Variants in XPO1 observed in about 807,000 individuals in gnomAD.
XPO1 encodes the protein exportin-1.
Under a neutral mutation model 133.3 loss-of-function variants are expected in XPO1, and 5 were observed. The observed-to-expected ratio is 0.04, with a 90% confidence interval of 0.02 to 0.08. The LOEUF is 0.08. XPO1 is among the 10% of genes least tolerant of loss of function. The probability of loss-of-function intolerance (pLI) is 1.00; values close to 1 mark genes in which losing one functional copy is unlikely to be tolerated. For missense variants in XPO1, 506 were observed against 1,267.5 expected (o/e 0.40, Z 9.12); for synonymous variants, 419 against 408.2 (o/e 1.03, Z -0.32).
intron 16 of XPO1, among the ~76,000 whole-genome samples, chr2:61,491,207 A>G (rs1015236898): frequency 1.3e-5 from 2 of 152,038 alleles, no homozygotes; most frequent in African/African-American, 4.8e-5. Context: ...TCACGCCTGT[A>G]ATCCCAGCAC....
chr2:61,498,166 G>A (rs1697334550), intron 9 of XPO1, among the ~76,000 whole-genome samples: 1 of 152,120 alleles, frequency 6.6e-6, no homozygotes, highest in Non-Finnish European at 1.5e-5. Flanking sequence ...GCACGATCTT[G>A]GCTCACTGCA....
At chr2:61,528,763 A>G (rs898906474) in intron 2 of XPO1, among the ~76,000 whole-genome samples, 14 of 47,762 alleles carry the variant, frequency 2.9e-4, no homozygotes, top group African/African-American at 5.6e-4. Flanking sequence ...ATATATATAT[A>G]TATATATATA....
chr2:61,534,231 A>C (rs1054320531), intron 1 of XPO1: 3 of 174,400 alleles, frequency 1.7e-5, no homozygotes, highest in African/African-American at 7.1e-5. Context: ...TATGGTCCTA[A>C]AACGTGATAC....
At chr2:61,520,473 T>C (rs1573205038) in intron 4 of XPO1, among the ~76,000 whole-genome samples, 1 of 150,764 alleles carries the variant, frequency 6.6e-6, no homozygotes, top group African/African-American at 2.4e-5. Flanking sequence ...CGAGACACCA[T>C]CCCTACAAAA....
At chr2:61,531,173 G>A (rs950479776) in intron 2 of XPO1, among the ~76,000 whole-genome samples, 8 of 152,162 alleles carry the variant, frequency 5.3e-5, no homozygotes, top group East Asian at 1.9e-4. Flanking sequence ...CTGAACTAAC[G>A]ACATAGGACT....
In XPO1 at chr2:61,504,333, G is replaced by A. The variant is rs182637642; in HGVS notation, c.302-2023C>T. Among the ~76,000 whole-genome samples the A allele has an allele frequency of 5.0e-3, 762 of 152,302 alleles. 2 individuals carry two copies. The highest frequency in any genetic ancestry group is 0.017 in the South Asian group (82 of 4,826). On this transcript the variant is annotated intron_variant, in intron 4 of 24. Transcript: ENST00000401558. ...CATTCTCCAAAATCACAGGGTTCAA[G>A]AGTGTTGCAGAATGTTAAATTCTGA...
chr2:61,491,317 T>G (rs537627421), intron 16 of XPO1, among the ~76,000 whole-genome samples: 83 of 151,444 alleles, frequency 5.5e-4, no homozygotes, highest in African/African-American at 6.5e-4. Flanking sequence ...AAAAATTAGC[T>G]GGGCGTGGTG....
At chr2:61,528,594 A>G (rs1247746332) in intron 2 of XPO1, among the ~76,000 whole-genome samples, 2 of 150,836 alleles carry the variant, frequency 1.3e-5, no homozygotes, top group African/African-American at 4.9e-5. Context: ...ATTCCCCAAG[A>G]ATCAGGAAGA....
At chr2:61,531,476 A>G (rs1230978782) in intron 2 of XPO1, among the ~76,000 whole-genome samples, 1 of 152,236 alleles carries the variant, frequency 6.6e-6, no homozygotes, top group Admixed American at 6.5e-5. Context: ...TTGCTGTAAT[A>G]TATTCTCAAT....
Position 61,538,241 on chromosome 2 carries a change from G to A in XPO1, c.-686C>T. On this transcript the variant is annotated 5_prime_UTR_variant, in exon 1 of 25. Transcript: ENST00000401558. ...TGCTCCTGCCGCGGCCGCTGCAGCC[G>A]CTTCTCCCCCTCCTCCTAGTGCCTC... 1 of 164,454 alleles carries A rather than the reference G, an allele frequency of 6.1e-6. No homozygotes were observed. The allele number at this position is 164,454 out of a possible 1,614,324, so 10.2% of individuals were successfully genotyped here. A position where few individuals can be genotyped will look rare whatever the true frequency, so the allele number is the denominator to read the frequency against.
intron 4 of XPO1, among the ~76,000 whole-genome samples, chr2:61,520,323 T>A (rs1222983182): frequency 6.6e-6 from 1 of 152,150 alleles, no homozygotes. Flanking sequence ...AATCTTTAGG[T>A]TAGAGAAGCC....
chr2:61,509,004 TTGAC>T (rs1215045605), intron 4 of XPO1, among the ~76,000 whole-genome samples: 1 of 152,130 alleles, frequency 6.6e-6, no homozygotes, highest in Non-Finnish European at 1.5e-5. Flanking sequence ...ATCTGCAAGA[TTGAC>T]TGACTGATTG....
At chr2:61,523,803 A>C (rs1270869838) in intron 3 of XPO1, among the ~76,000 whole-genome samples, 1 of 152,176 alleles carries the variant, frequency 6.6e-6, no homozygotes, top group Admixed American at 6.5e-5. Flanking sequence ...TCAAACAGTG[A>C]ATGTTTTTGC....
rs751737799 is a variant in XPO1, at chr2:61,482,401, G to A, written c.2951C>T (p.Ser984Leu). The stretch of plus-strand genomic sequence containing the variant: ...TTACTCTTGTAGGTGAGGGAAGGCC[G>A]ACTTAAGGAGATTAGCCACATATTC... The part of the protein sequence containing the change: ...LQEYVANLLK[S>L]AFPHLQDAQV... Residue 984 changes from serine (S) to leucine (L), a missense_variant, in exon 23 of 25, where the codon TCG becomes TTG. By Grantham distance (145) the Ser-to-Leu change is moderately radical. Coordinates refer to ENST00000401558, the MANE Select transcript of XPO1 (RefSeq NM_003400.4). 6 of 1,610,292 alleles carry A rather than the reference G, an allele frequency of 3.7e-6. No homozygotes were observed. The highest frequency in any genetic ancestry group is 1.3e-5 in the African/African-American group (1 of 74,768).
At chr2:61,490,565 T>TTGA in intron 17 of XPO1, 77 bp downstream of exon 17, 1 of 1,583,312 alleles carries the variant, frequency 6.3e-7, no homozygotes, top group South Asian at 1.1e-5. Context: ...GTTAAAAGGC[T>TTGA]TGAATTCAAT....
chr2:61,510,813 C>T (rs1006464432), intron 4 of XPO1, among the ~76,000 whole-genome samples: 1 of 151,788 alleles, frequency 6.6e-6, no homozygotes, highest in Non-Finnish European at 1.5e-5. Context: ...TTCATGCGCA[C>T]GTAGTCCCAG....
intron 11 of XPO1, among the ~76,000 whole-genome samples, chr2:61,495,219 T>C (rs1293705517): frequency 2.6e-5 from 4 of 152,166 alleles, no homozygotes; most frequent in Non-Finnish European, 5.9e-5. Context: ...AGAAATGATA[T>C]AATAATTAGT....
intron 16 of XPO1, among the ~76,000 whole-genome samples, chr2:61,491,244 T>C (rs1435411467): frequency 6.6e-6 from 1 of 151,686 alleles, no homozygotes; most frequent in Non-Finnish European, 1.5e-5. Flanking sequence ...GGGCGGATCA[T>C]GAGGTCAGGA....
intron 4 of XPO1, among the ~76,000 whole-genome samples, chr2:61,513,848 AGAG>A (rs1573185945): frequency 1.3e-5 from 2 of 152,190 alleles, no homozygotes; most frequent in African/African-American, 4.8e-5. Context: ...TAGAATACAA[AGAG>A]CCCTTAGATC....
Sources: gnomAD v4.1 joint callset for allele counts (sites outside exome capture counted in the v4.1 genomes callset) on GRCh38, gnomAD v4.1.1 for gene constraint, MANE v1.5 for transcripts, NCBI Gene and HGNC (gene_info 2026-07-23, HGNC 2026-07-21) for gene names.